Variants in CAPN8 observed in about 807,000 individuals in gnomAD.
The protein encoded by CAPN8 is calpain-8.
A neutral mutation model predicts 80.9 loss-of-function variants in CAPN8; 87 were observed. The observed-to-expected ratio is 1.07, with a 90% CI of 0.90 to 1.28. The LOEUF (loss-of-function observed/expected upper bound fraction) is 1.28, where lower values mean the gene tolerates loss of function less well. Ranked by LOEUF, CAPN8 falls within the 50% of genes most tolerant of loss-of-function variation. CAPN8 has a pLI of 0.00. For synonymous variants in CAPN8, 299 were observed against 273.8 expected (o/e 1.09, Z -0.91); for missense variants, 757 against 702.0 (o/e 1.08, Z -0.89).
intron 2 of CAPN8, among the ~76,000 whole-genome samples, chr1:223,638,139 G>A (rs183808528): frequency 6.6e-6 from 1 of 152,172 alleles, no homozygotes; most frequent in East Asian, 1.9e-4. Context: ...TTCTTATCAT[G>A]ATTCCCTGAA....
intron 1 of CAPN8, among the ~76,000 whole-genome samples, chr1:223,655,768 C>A (rs913521903): frequency 2.0e-5 from 3 of 152,116 alleles, no homozygotes; most frequent in Non-Finnish European, 2.9e-5. Context: ...CAGGAGCAGT[C>A]TACGTACTGG....
chr1:223,612,524 A>T (rs1318970528), intron 10 of CAPN8, among the ~76,000 whole-genome samples: 1 of 152,104 alleles, frequency 6.6e-6, no homozygotes, highest in Non-Finnish European at 1.5e-5. Context: ...TAGTTGTAGA[A>T]TCTACCAAGA....
intron 2 of CAPN8, among the ~76,000 whole-genome samples, chr1:223,634,021 G>A (rs973470347): frequency 1.3e-5 from 2 of 152,322 alleles, no homozygotes; most frequent in South Asian, 4.1e-4. Context: ...TGAAGCAGAA[G>A]CCAAAGCAGG....
chr1:223,549,200 T>A, intron 16 of CAPN8, 118 bp downstream of exon 16: 2 of 1,319,612 alleles, frequency 1.5e-6, no homozygotes, highest in Non-Finnish European at 2.1e-6. Context: ...GCTCCATGCC[T>A]GCTCTCTCCC....
At chr1:223,664,973 G>A (rs551013711) in intron 1 of CAPN8, among the ~76,000 whole-genome samples, 5 of 152,186 alleles carry the variant, frequency 3.3e-5, no homozygotes, top group Non-Finnish European at 7.4e-5. Flanking sequence ...TGATGGGGGG[G>A]CCAGATGCAG....
At chr1:223,644,191 TA>T in intron 2 of CAPN8, 1 of 373,962 alleles carries the variant, frequency 2.7e-6, no homozygotes. Flanking sequence ...TGTTTTAGAA[TA>T]AATCTCTTCT....
chr1:223,545,689 GA>G (rs972822906), intron 16 of CAPN8, among the ~76,000 whole-genome samples: 2 of 152,068 alleles, frequency 1.3e-5, no homozygotes, highest in African/African-American at 4.8e-5. Context: ...AATGTTATGG[GA>G]AAAGACATCA....
Position 223,665,491 on chromosome 1 carries a change from T to C in CAPN8, c.156A>G (p.Pro52=), listed in dbSNP as rs1052720126. 1.3e-6 allele frequency: 2 copies of C among 1,551,782 alleles called. No homozygotes were observed. Among genetic ancestry groups the C allele is most frequent in the African/African-American group, 1.4e-5 (1 of 73,040 alleles). The change falls in exon 1 of 21, where the codon CCA becomes CCG. Residue 52 remains proline, a synonymous_variant. Transcript: ENST00000366872. ...TGTAGCCCAAAGCTGATGGACATGC[T>C]GGGAACTCAGGGTCCTTAAATAGGA... is the stretch of plus-strand genomic sequence containing the variant. The part of the protein sequence containing the change: ...SGVLFKDPEF[P]ACPSALGYKD...
intron 1 of CAPN8, among the ~76,000 whole-genome samples, chr1:223,664,623 C>T (rs747451039): frequency 3.9e-5 from 6 of 152,186 alleles, no homozygotes; most frequent in East Asian, 1.9e-4. Context: ...ATGCTCTTCT[C>T]TCTATACCTC....
At chr1:223,555,001 G>A (rs1463595651) in intron 13 of CAPN8, among the ~76,000 whole-genome samples, 10 of 152,202 alleles carry the variant, frequency 6.6e-5, no homozygotes, top group South Asian at 2.1e-4. Context: ...CTAGAAAGCC[G>A]GGTTAATTTC....
In CAPN8 at chr1:223,665,489, G is replaced by C; in HGVS notation, c.158C>G (p.Ala53Gly). ...CTTGTAGCCCAAAGCTGATGGACAT[G>C]CTGGGAACTCAGGGTCCTTAAATAG... ...GVLFKDPEFPACPSALGYKDL... is the reference protein window; with the variant it reads ...GVLFKDPEFPGCPSALGYKDL... Residue 53 changes from alanine (A) to glycine (G), a missense_variant, in exon 1 of 21, where the codon GCA (alanine) becomes GGA (glycine). Ala to Gly is a moderately conservative substitution (Grantham distance 60, BLOSUM62 0). Coordinates refer to ENST00000366872, the MANE Select transcript of CAPN8 (RefSeq NM_001143962.2). The C allele has an allele frequency of 6.4e-7, 1 of 1,551,914 alleles. No individual in the cohort carries two copies. Among genetic ancestry groups the C allele is most frequent in the African/African-American group, 1.4e-5 (1 of 73,160 alleles).
In CAPN8 at chr1:223,665,603, G is replaced by A; in HGVS notation, c.44C>T (p.Thr15Ile). The change falls in exon 1 of 21, where the codon ACT becomes ATT. Residue 15 changes from threonine to isoleucine, a missense_variant. Coordinates refer to ENST00000366872, the MANE Select transcript of CAPN8 (RefSeq NM_001143962.2). The part of the protein sequence containing the change: ...AAGVSRQRAA[T>I]QGLGSNQNAL... The stretch of plus-strand genomic sequence containing the variant: ...GTTTTGGTTGGAGCCAAGACCTTGA[G>A]TGGCTGCCCGCTGCCTAGATACACC... 6.4e-7 allele frequency: 1 copy of A among 1,551,712 alleles called. No homozygotes were observed. The highest frequency in any genetic ancestry group is 8.7e-7 in the Non-Finnish European group (1 of 1,147,012).
chr1:223,627,045 A>G lies in CAPN8; in HGVS notation c.673T>C (p.Tyr225His), dbSNP rs1467664191. 2 of 1,551,964 alleles carry G rather than the reference A, an allele frequency of 1.3e-6. No homozygotes were observed. The highest frequency in any genetic ancestry group is 2.7e-5 in the African/African-American group (2 of 73,048). The change falls in exon 5 of 21, where the codon TAT (tyrosine) becomes CAT (histidine). Residue 225 changes from tyrosine to histidine, a missense_variant. Transcript: ENST00000366872. ...YDLKKPPANLYQIIRKALCAG... is the reference protein window; with the variant it reads ...YDLKKPPANLHQIIRKALCAG... ...CAGAGGGCCTTCCGGATGATCTGAT[A>G]TAGATTGGCTGGTGGTTTCTTCAGG...
chr1:223,634,886 C>G (rs1354888061), intron 2 of CAPN8, among the ~76,000 whole-genome samples: 1 of 152,184 alleles, frequency 6.6e-6, no homozygotes, highest in Non-Finnish European at 1.5e-5. Flanking sequence ...TGTATAGCAC[C>G]ACTCAAATAG....
chr1:223,542,163 T>TAC (rs1277057291), intron 20 of CAPN8, among the ~76,000 whole-genome samples: 2 of 151,856 alleles, frequency 1.3e-5, no homozygotes, highest in East Asian at 1.9e-4. Flanking sequence ...TACTATTATA[T>TAC]ACACACATAT....
chr1:223,640,593 A>T (rs1658018782), intron 2 of CAPN8, among the ~76,000 whole-genome samples: 1 of 152,062 alleles, frequency 6.6e-6, no homozygotes, highest in Non-Finnish European at 1.5e-5. Context: ...CACTCCATTC[A>T]TATCGAATTG....
rs536034652 is a variant in CAPN8 at position 223,653,918 on chromosome 1, T to C, written c.307+412A>G. ...CTACAAAAATAAGATTCCTGTTTTC[T>C]TACTAATTATAAAAGCACTTATTAT... On this transcript the variant is annotated intron_variant, in intron 2 of 20. Transcript: ENST00000366872. 1.2e-4 allele frequency among the ~76,000 whole-genome samples: 19 copies of C among 152,364 alleles called. No homozygotes were observed. The South Asian group carries it at 3.9e-3, about 32-fold the overall frequency.
intron 14 of CAPN8, 29 bp from the exon 15 acceptor site, chr1:223,551,046 T>C (rs1489697411): frequency 9.8e-6 from 7 of 716,942 alleles, no homozygotes; most frequent in Non-Finnish European, 1.8e-5. Context: ...ATGCAAATCA[T>C]GTCAGGCCCT....
At chr1:223,549,550 G>A in intron 15 of CAPN8, 168 bp from the exon 16 acceptor site, 1 of 993,828 alleles carries the variant, frequency 1.0e-6, no homozygotes, top group Non-Finnish European at 1.5e-6. Context: ...AGATACGCCT[G>A]AGCCTCCTGG....
Sources: allele counts gnomAD v4.1 joint callset (sites outside exome capture counted in the v4.1 genomes callset), GRCh38; gene constraint gnomAD v4.1.1; transcripts MANE v1.5; gene names NCBI Gene and HGNC (gene_info 2026-07-23, HGNC 2026-07-21).